The following LRMDA variants were observed in gnomAD, a reference collection of about 807,000 sequenced individuals.
The protein encoded by LRMDA is leucine rich melanocyte differentiation associated.
LRMDA carries 18 observed loss-of-function variants against 29.8 expected under a neutral mutation model. That is an observed-to-expected ratio of 0.60 (90% CI 0.42 to 0.90). The LOEUF is 0.90. Among genes scored for constraint, LRMDA ranks in the 40% least tolerant of loss-of-function variants. LRMDA has a pLI of 0.00. For synonymous variants in LRMDA, 125 were observed against 109.4 expected (o/e 1.14, Z -0.89); for missense variants, 273 against 273.9 (o/e 1.00, Z 0.02).
chr10:76,303,936 G>A lies in LRMDA; in HGVS notation c.517-20465G>A, dbSNP rs143166105. On this transcript the variant is annotated intron_variant, in intron 5 of 6. Transcript: ENST00000611255. The stretch of plus-strand genomic sequence containing the variant: ...TTACACTACAGCACCCCCTTCTGCC[G>A]ACTGAGCTGTGTGACAAGAAGGCCT... 8.0e-4 allele frequency among the ~76,000 whole-genome samples: 121 copies of A among 152,118 alleles called. 3 individuals are homozygous for A. In the East Asian group the frequency reaches 0.022, roughly 28 times the overall value.
At chr10:76,306,781 G>A (rs1206619162) in intron 5 of LRMDA, among the ~76,000 whole-genome samples, 3 of 152,248 alleles carry the variant, frequency 2.0e-5, no homozygotes, top group African/African-American at 4.8e-5. Flanking sequence ...GGACTTCCTC[G>A]TGCTACTCTT....
intron 5 of LRMDA, among the ~76,000 whole-genome samples, chr10:76,104,802 C>A (rs138830829): frequency 6.6e-6 from 1 of 151,916 alleles, no homozygotes; most frequent in Non-Finnish European, 1.5e-5. Context: ...CCATATGGAA[C>A]CCCCCTCTGG....
chr10:75,678,526 T>C (rs1841987850), intron 2 of LRMDA, among the ~76,000 whole-genome samples: 1 of 152,212 alleles, frequency 6.6e-6, no homozygotes, highest in Non-Finnish European at 1.5e-5. Context: ...TTATTGGTTT[T>C]CTCCAGAAGT....
At chr10:75,502,223 G>C (rs1400894330) in intron 2 of LRMDA, among the ~76,000 whole-genome samples, 1 of 152,170 alleles carries the variant, frequency 6.6e-6, no homozygotes, top group Admixed American at 6.5e-5. Context: ...CCTGAAAGGA[G>C]GCTGGGAAAT....
chr10:75,474,713 T>G (rs1844767808), intron 2 of LRMDA, among the ~76,000 whole-genome samples: 1 of 152,176 alleles, frequency 6.6e-6, no homozygotes, highest in African/African-American at 2.4e-5. Flanking sequence ...AACCCCTCAT[T>G]GTAATACCAG....
intron 2 of LRMDA, among the ~76,000 whole-genome samples, chr10:75,929,164 A>C (rs1195310421): frequency 6.6e-6 from 1 of 152,140 alleles, no homozygotes; most frequent in Non-Finnish European, 1.5e-5. Context: ...AGTGCACTAG[A>C]TACAGCACAA....
At chr10:76,275,313 TA>T (rs1347284427) in intron 5 of LRMDA, among the ~76,000 whole-genome samples, 2 of 152,076 alleles carry the variant, frequency 1.3e-5, no homozygotes, top group Admixed American at 1.3e-4. Context: ...TGAATTTTAG[TA>T]ACTTAATTAA....
At chr10:75,600,135 C>T (rs1288466485) in intron 2 of LRMDA, among the ~76,000 whole-genome samples, 1 of 151,934 alleles carries the variant, frequency 6.6e-6, no homozygotes, top group Non-Finnish European at 1.5e-5. Context: ...AAGATGCTGT[C>T]TCCTTTTCCA....
chr10:76,346,502 C>A (rs1377398667), intron 6 of LRMDA: 3 of 152,074 alleles, frequency 2.0e-5, no homozygotes, highest in South Asian at 4.2e-4. Flanking sequence ...ATGGGACATT[C>A]ACATGAATCA....
At chr10:75,456,241 G>A (rs1182649463) in intron 2 of LRMDA, among the ~76,000 whole-genome samples, 1 of 152,316 alleles carries the variant, frequency 6.6e-6, no homozygotes, top group African/African-American at 2.4e-5. Context: ...ACATATACGC[G>A]GCAATTACGC....
intron 6 of LRMDA, among the ~76,000 whole-genome samples, chr10:76,490,531 T>A (rs984052998): frequency 3.3e-5 from 5 of 151,976 alleles, no homozygotes; most frequent in African/African-American, 1.2e-4. Flanking sequence ...CATTATACAG[T>A]GATCTTCTTT....
chr10:76,169,531 A>G (rs181610953), intron 5 of LRMDA, among the ~76,000 whole-genome samples: 1 of 152,256 alleles, frequency 6.6e-6, no homozygotes, highest in African/African-American at 2.4e-5. Context: ...GAGACCCTAC[A>G]TTAGCATGTC....
chr10:76,548,576 A>T (rs1425034759), intron 6 of LRMDA, among the ~76,000 whole-genome samples: 1 of 151,924 alleles, frequency 6.6e-6, no homozygotes, highest in East Asian at 1.9e-4. Context: ...TTTACCATGG[A>T]GTTTGACCTC....
chr10:75,879,069 C>CT (rs1186304755), intron 2 of LRMDA, among the ~76,000 whole-genome samples: 1 of 152,232 alleles, frequency 6.6e-6, no homozygotes, highest in Non-Finnish European at 1.5e-5. Flanking sequence ...CCAGGTGACT[C>CT]TGACAGACAT....
At chr10:75,575,896 C>A (rs1840499205) in intron 2 of LRMDA, among the ~76,000 whole-genome samples, 1 of 152,154 alleles carries the variant, frequency 6.6e-6, no homozygotes, top group African/African-American at 2.4e-5. Context: ...GGTGCCCACA[C>A]CACCAGGGCC....
chr10:76,078,032 A>G (rs1342032345), intron 5 of LRMDA, among the ~76,000 whole-genome samples: 1 of 64,320 alleles, frequency 1.6e-5, no homozygotes, highest in Non-Finnish European at 2.7e-5. Context: ...TTTTTTTGAG[A>G]TGGAGTCTCG....
chr10:76,474,510 C>A (rs1190984103), intron 6 of LRMDA, among the ~76,000 whole-genome samples: 1 of 151,236 alleles, frequency 6.6e-6, no homozygotes, highest in East Asian at 1.9e-4. Flanking sequence ...ATAAAGAACA[C>A]CTATAACTCA....
At position 75,750,272 on chromosome 10, in the gene LRMDA, CG is replaced by C. The variant is rs555386341; in HGVS notation, c.132-285735del. Among the ~76,000 whole-genome samples, 945 of 151,060 alleles carry C rather than the reference CG, an allele frequency of 6.3e-3. 12 individuals carry two copies. Among genetic ancestry groups the C allele is most frequent in the African/African-American group, 0.022 (891 of 41,106 alleles). On this transcript the variant is annotated intron_variant, in intron 2 of 6. Transcript: ENST00000611255. ...GGCGGGGGCTGCCCACCTCCCTCCC[CG>C]CCGGGGCGGCTGGCCGGGCAGGGGC...
intron 2 of LRMDA, among the ~76,000 whole-genome samples, chr10:75,535,430 T>C (rs1307852058): frequency 6.6e-6 from 1 of 152,182 alleles, no homozygotes; most frequent in East Asian, 1.9e-4. Flanking sequence ...TGAAGTGCAC[T>C]GTCAGCAGCA....
Sources: gnomAD v4.1 joint callset for allele counts (sites outside exome capture counted in the v4.1 genomes callset) on GRCh38, gnomAD v4.1.1 for gene constraint, MANE v1.5 for transcripts, NCBI Gene and HGNC (gene_info 2026-07-23, HGNC 2026-07-21) for gene names.